IRAG2: variants seen among roughly 807,000 people sequenced by gnomAD.
The protein encoded by IRAG2 is inositol 1,4,5-triphosphate receptor associated 2, also known as lymphoid restricted membrane protein.
IRAG2 carries 45 observed loss-of-function variants against 69.9 expected under a neutral mutation model. That is an observed-to-expected ratio of 0.64 (90% CI 0.51 to 0.83). The LOEUF is 0.83. Among genes scored for constraint, IRAG2 ranks in the 40% least tolerant of loss-of-function variants. The pLI is 0.00. For missense variants in IRAG2, 520 were observed against 587.0 expected (o/e 0.89, Z 1.18); for synonymous variants, 193 against 202.4 (o/e 0.95, Z 0.40).
At chr12:25,094,733 T>TCTTG (rs1948307669) in intron 14 of IRAG2, among the ~76,000 whole-genome samples, 1 of 150,046 alleles carries the variant, frequency 6.7e-6, no homozygotes, top group Non-Finnish European at 1.5e-5. Flanking sequence ...ATTTGTGTCT[T>TCTTG]GTCTTCTTTA....
rs1249340073 is a variant in IRAG2 at position 25,012,040 on chromosome 12, A to C, written c.896+489A>C. 3.9e-5 allele frequency among the ~76,000 whole-genome samples: 6 copies of C among 152,108 alleles called. No homozygotes were observed. In the South Asian group the frequency reaches 1.2e-3, roughly 32 times the overall value. ...AAGGGGAACAAGAAAGAATAGTAGAATAGGAAAAAGAAAAAGGTAAAGGAG... is the reference window on the plus strand; with the variant it reads ...AAGGGGAACAAGAAAGAATAGTAGACTAGGAAAAAGAAAAAGGTAAAGGAG... On this transcript the variant is annotated intron_variant, in intron 3 of 38. Coordinates refer to the IRAG2 transcript ENST00000636465.
At chr12:25,093,337 G>C (rs1948199678) in intron 14 of IRAG2, 1 of 153,472 alleles carries the variant, frequency 6.5e-6, no homozygotes, top group Non-Finnish European at 1.5e-5. Context: ...TCAACAGATG[G>C]CTGGGCATTA....
intron 6 of IRAG2, among the ~76,000 whole-genome samples, chr12:25,078,458 A>G (rs1206880801): frequency 6.6e-6 from 1 of 152,204 alleles, no homozygotes; most frequent in Non-Finnish European, 1.5e-5. Context: ...TACTTTGTGT[A>G]GGTTTTCCAT....
intron 10 of IRAG2, chr12:25,030,399 T>C (rs1368631369): frequency 8.8e-7 from 1 of 1,130,178 alleles, no homozygotes; most frequent in African/African-American, 1.6e-5. Context: ...TCTGATTCTT[T>C]TTTTTTTGAC....
chr12:25,031,392 A>G (rs1342888897), intron 10 of IRAG2, among the ~76,000 whole-genome samples: 1 of 152,210 alleles, frequency 6.6e-6, no homozygotes, highest in African/African-American at 2.4e-5. Flanking sequence ...ATTAGAGATC[A>G]GGTACTCACT....
Position 25,089,684 on chromosome 12 carries a change from GC to G in IRAG2, c.437+8del, listed in dbSNP as rs1160878453. ...ACCTTAGACAAAGTGAGAAGTAAGT[GC>G]TTCTTCATGTAGCATGTTAACATGT... On this transcript the variant is annotated splice_region_variant and intron_variant, in intron 12 of 21. Transcript: ENST00000556887. 1.2e-6 allele frequency: 2 copies of G among 1,607,816 alleles called. No homozygotes were observed. Among genetic ancestry groups the G allele is most frequent in the South Asian group, 2.2e-5 (2 of 90,862 alleles).
chr12:25,069,581 T>G, intron 6 of IRAG2, 150 bp downstream of exon 6: 1 of 670,554 alleles, frequency 1.5e-6, no homozygotes, highest in Non-Finnish European at 2.5e-6. Flanking sequence ...AAAACTCAGA[T>G]GCATGAGAAA....
At chr12:25,006,482 T>A (rs1591921120) in intron 2 of IRAG2, 1 of 152,162 alleles carries the variant, frequency 6.6e-6, no homozygotes, top group Non-Finnish European at 1.5e-5. Flanking sequence ...CAAATGACCA[T>A]GAACAGAAGA....
At chr12:25,063,046 T>TA (rs2139980346) in intron 3 of IRAG2, 146 bp downstream of exon 3, 1 of 393,052 alleles carries the variant, frequency 2.5e-6, no homozygotes, top group East Asian at 3.6e-5. Flanking sequence ...AGGCAACAGA[T>TA]ACGTGTTTTT....
At chr12:25,083,252 C>G (rs779258876) in intron 9 of IRAG2, among the ~76,000 whole-genome samples, 171 bp from the exon 10 acceptor site, 1 of 152,148 alleles carries the variant, frequency 6.6e-6, no homozygotes, top group Non-Finnish European at 1.5e-5. Flanking sequence ...GCTGCTCCAT[C>G]CTAATTCTGA....
intron 11 of IRAG2, 116 bp downstream of exon 11, chr12:25,088,273 G>A (rs908480558): frequency 3.3e-5 from 27 of 819,568 alleles, no homozygotes; most frequent in Non-Finnish European, 5.1e-5. Flanking sequence ...CTCTGGATAA[G>A]GTCAGTCAAT....
chr12:25,027,471 T>G (rs1288722845), intron 9 of IRAG2, among the ~76,000 whole-genome samples: 2 of 151,340 alleles, frequency 1.3e-5, no homozygotes, highest in East Asian at 3.9e-4. Flanking sequence ...CTTGGCTCAC[T>G]GCAAGCTCTG....
At position 25,083,407 on chromosome 12, in the gene IRAG2, T is replaced by C. The variant is rs1360281965; in HGVS notation, c.245-16T>C. On this transcript the variant is annotated splice_polypyrimidine_tract_variant and intron_variant, in intron 9 of 21. Coordinates refer to ENST00000556887, the MANE Select transcript of IRAG2 (RefSeq NM_001366544.2). The stretch of plus-strand genomic sequence containing the variant: ...CTGCCCCCCTAACTGCTTTGTGTGT[T>C]TCCTGTTTCTCACAGGCACAAGTCC... 6.3e-7 allele frequency: 1 copy of C among 1,587,160 alleles called. No homozygotes were observed. The highest frequency in any genetic ancestry group is 1.1e-5 in the South Asian group (1 of 90,556).
intron 16 of IRAG2, chr12:25,038,268 T>C (rs1944717562): frequency 2.5e-6 from 1 of 393,216 alleles, no homozygotes; most frequent in East Asian, 3.6e-5. Flanking sequence ...TCAGAGAAGA[T>C]ATTCTGTTTG....
intron 16 of IRAG2, chr12:25,101,822 T>A: frequency 2.3e-6 from 1 of 434,946 alleles, no homozygotes. Flanking sequence ...TTATTTAAAA[T>A]AAACAATATG....
chr12:24,999,496 T>C (rs973383784), upstream of IRAG2, among the ~76,000 whole-genome samples: 1 of 152,142 alleles, frequency 6.6e-6, no homozygotes, highest in Non-Finnish European at 1.5e-5. Flanking sequence ...GTTCAATCAA[T>C]AGGAGGAATA....
chr12:25,080,491 A>G (rs907167834), intron 9 of IRAG2, among the ~76,000 whole-genome samples: 2 of 151,804 alleles, frequency 1.3e-5, no homozygotes, highest in African/African-American at 4.8e-5. Context: ...AGCTGGGACT[A>G]CAGGTGCCCG....
exon 1 of IRAG2, chr12:25,004,777 A>G (rs1170222768): frequency 1.6e-6 from 2 of 1,232,024 alleles, no homozygotes; most frequent in African/African-American, 3.1e-5. Flanking sequence ...GTTTTTCTCT[A>G]ACAAGGATTT....
chr12:25,019,890 C>A (rs1004444906), intron 6 of IRAG2, among the ~76,000 whole-genome samples: 4 of 152,192 alleles, frequency 2.6e-5, no homozygotes, highest in African/African-American at 7.2e-5. Flanking sequence ...TACTTTCCTT[C>A]TAGTTACCTA....
Sources: allele counts gnomAD v4.1 joint callset (sites outside exome capture counted in the v4.1 genomes callset), GRCh38; gene constraint gnomAD v4.1.1; transcripts MANE v1.5; gene names NCBI Gene and HGNC (gene_info 2026-07-23, HGNC 2026-07-21).